KCTD16: variants seen among roughly 807,000 people sequenced by gnomAD.
KCTD16 encodes the protein potassium channel tetramerization domain containing 16, also known as BTB/POZ domain-containing protein KCTD16.
A neutral mutation model predicts 33.2 loss-of-function variants in KCTD16; 13 were observed. That is an observed-to-expected ratio of 0.39 (90% CI 0.25 to 0.62). KCTD16 has a LOEUF of 0.62. Among genes scored for constraint, KCTD16 ranks in the 20% least tolerant of loss-of-function variants. The pLI, the probability that KCTD16 is intolerant of heterozygous loss-of-function variation, is 0.50. For missense variants in KCTD16, 441 were observed against 525.1 expected (o/e 0.84, Z 1.57); for synonymous variants, 197 against 195.3 (o/e 1.01, Z -0.07).
At chr5:144,441,128 T>C (rs955851109) in intron 3 of KCTD16, among the ~76,000 whole-genome samples, 2 of 152,186 alleles carry the variant, frequency 1.3e-5, no homozygotes, top group Non-Finnish European at 2.9e-5. Context: ...GTTTTTTTAT[T>C]GAGTTGTGAG....
intron 2 of KCTD16, among the ~76,000 whole-genome samples, chr5:144,189,077 C>A (rs1444222232): frequency 6.6e-6 from 1 of 152,054 alleles, no homozygotes; most frequent in East Asian, 1.9e-4. Flanking sequence ...CATTTTGGAC[C>A]CTCTAAGATA....
chr5:144,415,134 G>T (rs1332742624), intron 3 of KCTD16, among the ~76,000 whole-genome samples: 1 of 152,172 alleles, frequency 6.6e-6, no homozygotes, highest in African/African-American at 2.4e-5. Flanking sequence ...AGCAAGGTGA[G>T]AGGGTGAGAG....
intron 3 of KCTD16, among the ~76,000 whole-genome samples, chr5:144,383,800 TATTTG>T (rs1166617919): frequency 1.3e-5 from 2 of 152,168 alleles, no homozygotes; most frequent in Non-Finnish European, 2.9e-5. Flanking sequence ...GCTCATCCTT[TATTTG>T]GTTTCAGTTA....
chr5:144,247,985 A>G (rs1754597595), intron 3 of KCTD16, among the ~76,000 whole-genome samples: 3 of 152,178 alleles, frequency 2.0e-5, no homozygotes, highest in African/African-American at 7.2e-5. Flanking sequence ...GTGATTTCAG[A>G]TTCTTCATTT....
At chr5:144,280,505 T>G (rs556684174) in intron 3 of KCTD16, among the ~76,000 whole-genome samples, 43 of 152,292 alleles carry the variant, frequency 2.8e-4, no homozygotes, top group African/African-American at 9.1e-4. Context: ...GTCTGTGGAG[T>G]CTGTAGTGAT....
chr5:144,417,996 C>A (rs1291154491), intron 3 of KCTD16, among the ~76,000 whole-genome samples: 1 of 152,094 alleles, frequency 6.6e-6, no homozygotes, highest in Non-Finnish European at 1.5e-5. Context: ...TCCAGAGTTT[C>A]TTCCTTCTGG....
rs201788850 is a variant in KCTD16, at chr5:144,390,591, G to A, written c.833-83069G>A. Among the ~76,000 whole-genome samples the A allele has an allele frequency of 2.6e-5, 4 of 151,850 alleles. No homozygotes were observed. In the East Asian group the frequency reaches 5.8e-4, roughly 22 times the overall value. ...TGTGCAGAACATGCAGGTTTGTTGC[G>A]TAGGTATACATGTGCCATGGTGGTT... On this transcript the variant is annotated intron_variant, in intron 3 of 3. Coordinates refer to ENST00000512467, the MANE Select transcript of KCTD16 (RefSeq NM_020768.4).
At chr5:144,285,315 TC>T (rs1343081025) in intron 3 of KCTD16, among the ~76,000 whole-genome samples, 5 of 152,218 alleles carry the variant, frequency 3.3e-5, no homozygotes, top group African/African-American at 9.7e-5. Flanking sequence ...AACATTTTAT[TC>T]AAAGTATGCC....
intron 3 of KCTD16, among the ~76,000 whole-genome samples, chr5:144,231,315 A>G (rs933981740): frequency 2.6e-5 from 4 of 152,048 alleles, no homozygotes; most frequent in African/African-American, 9.7e-5. Context: ...AAATATAGTG[A>G]GCACATACTC....
intron 2 of KCTD16, among the ~76,000 whole-genome samples, chr5:144,183,470 C>A (rs557472773): frequency 6.6e-6 from 1 of 152,194 alleles, no homozygotes; most frequent in East Asian, 1.9e-4. Flanking sequence ...TTATTCCATG[C>A]TCATTTTGCC....
chr5:144,297,392 G>A (rs896159086), intron 3 of KCTD16, among the ~76,000 whole-genome samples: 3 of 152,162 alleles, frequency 2.0e-5, no homozygotes, highest in African/African-American at 7.2e-5. Context: ...ATGGGTTCAG[G>A]GTTGGTTAAG....
intron 3 of KCTD16, among the ~76,000 whole-genome samples, chr5:144,223,556 G>T (rs1753830977): frequency 6.6e-6 from 1 of 152,030 alleles, no homozygotes; most frequent in South Asian, 2.1e-4. Context: ...ATGGTGTGTA[G>T]ATCCTAGGTC....
At chr5:144,380,391 A>G (rs186293142) in intron 3 of KCTD16, among the ~76,000 whole-genome samples, 101 of 152,346 alleles carry the variant, frequency 6.6e-4, no homozygotes, top group African/African-American at 2.2e-3. Context: ...AGAAGAATCA[A>G]TATTTTTAAA....
At position 144,207,271 on chromosome 5, in the gene KCTD16, T is replaced by C. The variant is rs1176950513; in HGVS notation, c.557T>C (p.Phe186Ser). ...LGREGQADAK[F>S]RRVPRILVCG... ...AGAGAGGGACAGGCAGATGCCAAGT[T>C]TCGGAGAGTTCCCCGGATTTTGGTT... The change falls in exon 3 of 4, where the codon TTT (phenylalanine) becomes TCT (serine). Residue 186 changes from phenylalanine (F) to serine (S), a missense_variant. This residue lies in a region of KCTD16 where 355 missense variants were observed against 413.0 expected (regional missense o/e 0.86). Transcript: ENST00000512467. 3.1e-6 allele frequency: 5 copies of C among 1,614,086 alleles called. No individual in the cohort carries two copies. Among genetic ancestry groups the C allele is most frequent in the African/African-American group, 1.3e-5 (1 of 74,924 alleles).
At chr5:144,386,976 A>C (rs1220714075) in intron 3 of KCTD16, among the ~76,000 whole-genome samples, 1 of 150,072 alleles carries the variant, frequency 6.7e-6, no homozygotes, top group East Asian at 1.9e-4. Context: ...ATTACAAAGC[A>C]CTTTTTTTTT....
At chr5:144,236,395 G>A (rs950516378) in intron 3 of KCTD16, among the ~76,000 whole-genome samples, 1 of 152,070 alleles carries the variant, frequency 6.6e-6, no homozygotes, top group Non-Finnish European at 1.5e-5. Context: ...ATATGCAGGG[G>A]CATGGAACAT....
intron 3 of KCTD16, among the ~76,000 whole-genome samples, chr5:144,412,628 G>A (rs1752957454): frequency 6.6e-6 from 1 of 152,174 alleles, no homozygotes. Context: ...GCTCATGCCT[G>A]TAATCCCAGC....
chr5:144,409,033 A>G (rs1213685891), intron 3 of KCTD16, among the ~76,000 whole-genome samples: 1 of 152,194 alleles, frequency 6.6e-6, no homozygotes, highest in Non-Finnish European at 1.5e-5. Flanking sequence ...ATGCTTCATG[A>G]GGACTGAGTC....
At chr5:144,319,343 G>T (rs984039867) in intron 3 of KCTD16, among the ~76,000 whole-genome samples, 1 of 152,142 alleles carries the variant, frequency 6.6e-6, no homozygotes, top group Non-Finnish European at 1.5e-5. Flanking sequence ...TCTACTCTCT[G>T]CTACCAAACC....
Sources: allele counts gnomAD v4.1 joint callset (sites outside exome capture counted in the v4.1 genomes callset), GRCh38; gene constraint gnomAD v4.1.1; regional missense constraint gnomAD v4.1.1; transcripts MANE v1.5; gene names NCBI Gene and HGNC (gene_info 2026-07-23, HGNC 2026-07-21).